The following LRRC1 variants were observed in gnomAD, a reference collection of about 807,000 sequenced individuals.
LRRC1 encodes the protein leucine rich repeat containing 1.
A neutral mutation model predicts 69.9 loss-of-function variants in LRRC1; 28 were observed. The observed-to-expected ratio is 0.40, with a 90% CI of 0.30 to 0.55. The LOEUF (loss-of-function observed/expected upper bound fraction) is 0.55, where lower values mean the gene tolerates loss of function less well. Ranked by LOEUF, LRRC1 falls within the 20% of genes least tolerant of loss-of-function variation. LRRC1 has a pLI of 0.47. For synonymous variants in LRRC1, 236 were observed against 240.2 expected (o/e 0.98, Z 0.16); for missense variants, 498 against 609.0 (o/e 0.82, Z 1.92).
chr6:53,889,903 CT>C (rs1281194274), intron 4 of LRRC1, among the ~76,000 whole-genome samples: 3 of 152,186 alleles, frequency 2.0e-5, no homozygotes, highest in Non-Finnish European at 2.9e-5. Context: ...AGGAAATACT[CT>C]GTAATGTAAC....
intron 2 of LRRC1, among the ~76,000 whole-genome samples, chr6:53,843,690 C>T (rs1765854980): frequency 6.6e-6 from 1 of 152,012 alleles, no homozygotes; most frequent in South Asian, 2.1e-4. Context: ...TAACATGCAC[C>T]AAAAGCAGTG....
At chr6:53,892,011 T>TATACACACACACACACACACAC (rs1428852703) in intron 4 of LRRC1, among the ~76,000 whole-genome samples, 4 of 135,338 alleles carry the variant, frequency 3.0e-5, no homozygotes, top group African/African-American at 8.6e-5. Flanking sequence ...TATATATATA[T>TATACACACACACACACACACAC]ACACACACAC....
At chr6:53,847,625 C>T (rs1336002711) in intron 2 of LRRC1, among the ~76,000 whole-genome samples, 2 of 152,198 alleles carry the variant, frequency 1.3e-5, no homozygotes, top group African/African-American at 4.8e-5. Context: ...CCAGTAGGGA[C>T]ATTGTCTCAT....
rs372857293 is a variant in LRRC1, at chr6:53,899,899, T to C, written c.787+8T>C. 41 of 1,613,318 alleles carry C rather than the reference T, an allele frequency of 2.5e-5. No homozygotes were observed. The highest frequency in any genetic ancestry group is 1.1e-4 in the East Asian group (5 of 44,878). On this transcript the variant is annotated splice_region_variant and intron_variant, in intron 8 of 13. Transcript: ENST00000370888. Reference sequence around the variant, plus strand: ...CGATTCCGGATGGCATTGGTAAGCATTGGAAATCACTAACTGCTAAACATA... The same window carrying C: ...CGATTCCGGATGGCATTGGTAAGCACTGGAAATCACTAACTGCTAAACATA...
At chr6:53,915,657 G>C (rs1190691113) in intron 11 of LRRC1, among the ~76,000 whole-genome samples, 4 of 152,166 alleles carry the variant, frequency 2.6e-5, no homozygotes, top group Non-Finnish European at 4.4e-5. Context: ...CATTTCTCCA[G>C]TTCTCAGAAA....
intron 7 of LRRC1, among the ~76,000 whole-genome samples, chr6:53,899,514 GA>G (rs1767977923): frequency 6.6e-6 from 1 of 152,158 alleles, no homozygotes; most frequent in Non-Finnish European, 1.5e-5. Flanking sequence ...TTGCCTGCCT[GA>G]AAGGTGGAGG....
chr6:53,822,366 G>A lies in LRRC1; in HGVS notation c.160-19744G>A, dbSNP rs534795849. ...TACATTTTAATGAAGTACACCCTTG[G>A]AAGGGAGGAGGTCAGAGAGAAGTAA... On this transcript the variant is annotated intron_variant, in intron 1 of 13. Transcript: ENST00000370888. Among the ~76,000 whole-genome samples, 13 of 152,326 alleles carry A rather than the reference G, an allele frequency of 8.5e-5. No individual in the cohort carries two copies. The South Asian group carries it at 2.7e-3, about 32-fold the overall frequency.
In LRRC1 at chr6:53,920,748, A is replaced by G; in HGVS notation, c.1403A>G (p.Glu468Gly). Residue 468 changes from glutamate (E) to glycine (G), a missense_variant, in exon 13 of 14, where the codon GAA becomes GGA. Glu to Gly is a moderately conservative substitution (Grantham distance 98). This residue lies in a region of LRRC1 where 162 missense variants were observed against 162.9 expected (regional missense o/e 0.99). Coordinates refer to ENST00000370888, the MANE Select transcript of LRRC1 (RefSeq NM_018214.5). ...TTTGTGGAGGATGAGAAAGATGAAG[A>G]AGACAATGAGACGGTATGGAAATGC... ...IRFVEDEKDE[E>G]DNETRTLLRR... 6.2e-7 allele frequency: 1 copy of G among 1,614,206 alleles called. No individual in the cohort carries two copies. Among genetic ancestry groups the G allele is most frequent in the Non-Finnish European group, 8.5e-7 (1 of 1,180,028 alleles).
chr6:53,831,047 A>G (rs1765414046), intron 1 of LRRC1, among the ~76,000 whole-genome samples: 1 of 151,418 alleles, frequency 6.6e-6, no homozygotes, highest in Admixed American at 6.6e-5. Context: ...AAATCACACA[A>G]TTTTAATCTT....
At chr6:53,858,105 G>A (rs2127422016) in intron 2 of LRRC1, among the ~76,000 whole-genome samples, 1 of 152,284 alleles carries the variant, frequency 6.6e-6, no homozygotes, top group East Asian at 1.9e-4. Flanking sequence ...TCTGGAGTCT[G>A]GTCGTTGGCC....
At chr6:53,891,484 G>A (rs1767678316) in intron 4 of LRRC1, among the ~76,000 whole-genome samples, 1 of 150,718 alleles carries the variant, frequency 6.6e-6, no homozygotes, top group Non-Finnish European at 1.5e-5. Flanking sequence ...AAAGCAAAGT[G>A]CCAGATATAT....
At position 53,919,647 on chromosome 6, in the gene LRRC1, T is replaced by G; in HGVS notation, c.1256T>G (p.Leu419Arg). ...TTAACCTGTGTCTTACTTCCTCAGC[T>G]GCCTTCTGAACCTACTTGTCAAGGT... ...KILTCVLLPQ[L>R]PSEPTCQENL... The change falls in exon 12 of 14, where the codon CTG becomes CGG. Residue 419 changes from leucine (L) to arginine (R), a missense_variant. Physicochemically the swap from Leu to Arg is moderately radical, Grantham distance 102. Coordinates refer to ENST00000370888, the MANE Select transcript of LRRC1 (RefSeq NM_018214.5). 1 of 1,612,680 alleles carries G rather than the reference T, an allele frequency of 6.2e-7. No individual in the cohort carries two copies.
At chr6:53,837,939 T>G (rs1432705667) in intron 1 of LRRC1, among the ~76,000 whole-genome samples, 1 of 152,096 alleles carries the variant, frequency 6.6e-6, no homozygotes, top group Non-Finnish European at 1.5e-5. Context: ...GTGCTCTAAG[T>G]GGGTTAGTGA....
chr6:53,795,200 G>A lies in LRRC1; in HGVS notation c.-57G>A, dbSNP rs1002517259. On this transcript the variant is annotated 5_prime_UTR_variant, in exon 1 of 14. Coordinates refer to ENST00000370888, the MANE Select transcript of LRRC1 (RefSeq NM_018214.5). Reference sequence around the variant, plus strand: ...TGAGCGGAGCCGCCGGCCAGAGCGGGCTCGGAGCCCGGGTCTCCGCCGCTC... The same window carrying A: ...TGAGCGGAGCCGCCGGCCAGAGCGGACTCGGAGCCCGGGTCTCCGCCGCTC... 1.3e-6 allele frequency: 2 copies of A among 1,498,004 alleles called. No homozygotes were observed. The highest frequency in any genetic ancestry group is 1.4e-5 in the African/African-American group (1 of 72,236). The allele number at this position is 1,498,004 out of a possible 1,614,324, so 92.8% of individuals were successfully genotyped here.
At chr6:53,838,822 A>G (rs1273978979) in intron 1 of LRRC1, among the ~76,000 whole-genome samples, 2 of 152,156 alleles carry the variant, frequency 1.3e-5, no homozygotes, top group African/African-American at 4.8e-5. Context: ...TTGTATAGCT[A>G]ATTGGTAGCA....
Position 53,899,889 on chromosome 6 carries a change from T to C in LRRC1, c.785T>C (p.Ile262Thr). 1.2e-6 allele frequency: 2 copies of C among 1,613,718 alleles called. No homozygotes were observed. Among genetic ancestry groups the C allele is most frequent in the Non-Finnish European group, 1.7e-6 (2 of 1,179,812 alleles). Residue 262 changes from isoleucine (I) to threonine (T), a missense_variant and splice_region_variant, in exon 8 of 14, where the codon ATT becomes ACT. Ile to Thr is a moderately conservative substitution (Grantham distance 89, BLOSUM62 -1). Transcript: ENST00000370888. ...TTATTAGAAACGATTCCGGATGGCA[T>C]TGGTAAGCATTGGAAATCACTAACT... ...QNLLETIPDGIGKLKKLSILK... is the reference protein window; with the variant it reads ...QNLLETIPDGTGKLKKLSILK...
intron 1 of LRRC1, among the ~76,000 whole-genome samples, chr6:53,817,202 G>T (rs771333200): frequency 6.6e-6 from 1 of 152,124 alleles, no homozygotes; most frequent in African/African-American, 2.4e-5. Flanking sequence ...AAGCATCATA[G>T]CTGCCATCTG....
At chr6:53,844,638 A>G (rs1339980571) in intron 2 of LRRC1, among the ~76,000 whole-genome samples, 1 of 151,924 alleles carries the variant, frequency 6.6e-6, no homozygotes, top group Non-Finnish European at 1.5e-5. Flanking sequence ...TGGAACACCT[A>G]CCCTGCTTTT....
intron 1 of LRRC1, among the ~76,000 whole-genome samples, chr6:53,831,694 G>A (rs1765432522): frequency 6.6e-6 from 1 of 152,136 alleles, no homozygotes; most frequent in South Asian, 2.1e-4. Context: ...CACTCAAAGT[G>A]CCATTAAATG....
Sources: gnomAD v4.1 joint callset for allele counts (sites outside exome capture counted in the v4.1 genomes callset) on GRCh38, gnomAD v4.1.1 for gene constraint, gnomAD v4.1.1 regional missense constraint, MANE v1.5 for transcripts, NCBI Gene and HGNC (gene_info 2026-07-23, HGNC 2026-07-21) for gene names.